CNTN5: variants seen among roughly 807,000 people sequenced by gnomAD.
CNTN5 encodes the protein contactin 5, also known as contactin-5.
CNTN5 carries 77 observed loss-of-function variants against 129.1 expected under a neutral mutation model. The observed-to-expected ratio is 0.60, with a 90% CI of 0.50 to 0.72. The LOEUF (loss-of-function observed/expected upper bound fraction) is 0.72, where lower values mean the gene tolerates loss of function less well. Among genes scored for constraint, CNTN5 ranks in the 30% least tolerant of loss-of-function variants. The pLI, the probability that CNTN5 is intolerant of heterozygous loss-of-function variation, is 0.00. For missense variants in CNTN5, 1,478 were observed against 1,328.8 expected, an observed-to-expected ratio of 1.11 and a Z score of -1.75; for synonymous variants, 509 against 465.6, an observed-to-expected ratio of 1.09 and a Z score of -1.20.
chr11:99,902,029 A>T (rs1428178499), intron 6 of CNTN5, among the ~76,000 whole-genome samples: 2 of 152,172 alleles, frequency 1.3e-5, no homozygotes, highest in Admixed American at 1.3e-4. Flanking sequence ...TGTAATTCAA[A>T]TCCATGTCTT....
intron 3 of CNTN5, among the ~76,000 whole-genome samples, chr11:99,648,308 T>C (rs1343861613): frequency 6.6e-6 from 1 of 151,870 alleles, no homozygotes; most frequent in African/African-American, 2.4e-5. Context: ...CCAATAAATT[T>C]GTAAAAAATG....
intron 3 of CNTN5, among the ~76,000 whole-genome samples, chr11:99,739,554 T>A (rs79362008): frequency 0.02 from 3,011 of 152,218 alleles, 111 homozygotes; most frequent in African/African-American, 0.068. Flanking sequence ...TGAAAAATTC[T>A]GGGATTCCAT....
At chr11:100,202,010 A>T (rs1367101534) in intron 15 of CNTN5, among the ~76,000 whole-genome samples, 1 of 152,052 alleles carries the variant, frequency 6.6e-6, no homozygotes, top group African/African-American at 2.4e-5. Flanking sequence ...AATGCCTAAT[A>T]GATACCTGGC....
chr11:99,260,632 C>T (rs531990218), intron 1 of CNTN5, among the ~76,000 whole-genome samples: 1 of 151,878 alleles, frequency 6.6e-6, no homozygotes, highest in South Asian at 2.1e-4. Flanking sequence ...AAATTAGCAT[C>T]AAAATTCTTA....
intron 6 of CNTN5, among the ~76,000 whole-genome samples, chr11:99,859,227 A>C (rs1948133283): frequency 6.6e-6 from 1 of 152,184 alleles, no homozygotes; most frequent in South Asian, 2.1e-4. Context: ...CAGACTATTG[A>C]ACTGAAAAGG....
intron 9 of CNTN5, among the ~76,000 whole-genome samples, chr11:100,002,702 A>C (rs904693057): frequency 6.6e-6 from 1 of 152,250 alleles, no homozygotes; most frequent in Admixed American, 6.5e-5. Context: ...ATATTTAATG[A>C]TTATATTTCT....
chr11:100,086,036 G>A (rs1944540484), intron 13 of CNTN5, among the ~76,000 whole-genome samples: 1 of 151,674 alleles, frequency 6.6e-6, no homozygotes, highest in African/African-American at 2.4e-5. Context: ...ATTTGTCCAG[G>A]GTATAGACTA....
chr11:100,221,901 A>C (rs941539092), intron 15 of CNTN5, among the ~76,000 whole-genome samples: 25 of 152,326 alleles, frequency 1.6e-4, no homozygotes, highest in South Asian at 1.5e-3. Context: ...GTTTAAGTTT[A>C]AGAAAGCAAG....
chr11:99,531,605 C>G (rs1293124971), intron 2 of CNTN5, among the ~76,000 whole-genome samples: 2 of 152,186 alleles, frequency 1.3e-5, no homozygotes, highest in Non-Finnish European at 2.9e-5. Context: ...CGTGGTTTCA[C>G]GGGCCAGGCC....
At chr11:100,140,597 G>A (rs1280515095) in intron 13 of CNTN5, among the ~76,000 whole-genome samples, 2 of 152,120 alleles carry the variant, frequency 1.3e-5, no homozygotes, top group Non-Finnish European at 2.9e-5. Context: ...TTAATTACTA[G>A]TAAAGGAAAG....
intron 6 of CNTN5, among the ~76,000 whole-genome samples, chr11:99,888,481 A>G (rs144996848): frequency 2.2e-4 from 33 of 152,324 alleles, no homozygotes; most frequent in African/African-American, 7.7e-4. Flanking sequence ...TTGACAGTCA[A>G]CTGACAACAG....
At chr11:99,186,226 G>A (rs1858344355) in intron 1 of CNTN5, among the ~76,000 whole-genome samples, 2 of 151,934 alleles carry the variant, frequency 1.3e-5, no homozygotes, top group African/African-American at 4.8e-5. Flanking sequence ...CACAGAAGGA[G>A]GAAGAGTTCC....
intron 6 of CNTN5, among the ~76,000 whole-genome samples, chr11:99,889,464 C>T (rs1948999088): frequency 6.7e-6 from 1 of 148,374 alleles, no homozygotes; most frequent in Non-Finnish European, 1.5e-5. Flanking sequence ...TCCTCTGTAC[C>T]ATTAAAAAAA....
At chr11:100,264,366 T>C (rs1371893239) in intron 17 of CNTN5, among the ~76,000 whole-genome samples, 1 of 152,146 alleles carries the variant, frequency 6.6e-6, no homozygotes, top group Non-Finnish European at 1.5e-5. Flanking sequence ...TAGGTGTTTG[T>C]CCTGATGCTC....
At chr11:99,833,546 A>G (rs1947211218) in intron 4 of CNTN5, among the ~76,000 whole-genome samples, 1 of 152,194 alleles carries the variant, frequency 6.6e-6, no homozygotes, top group Non-Finnish European at 1.5e-5. Context: ...GTTCTGAACA[A>G]CTTTAAAGTA....
At chr11:99,368,767 C>T (rs1939624748) in intron 2 of CNTN5, among the ~76,000 whole-genome samples, 1 of 151,954 alleles carries the variant, frequency 6.6e-6, no homozygotes, top group South Asian at 2.1e-4. Flanking sequence ...ATTTGTGTTG[C>T]CAAAGCAAAT....
At chr11:99,185,824 A>T (rs898280801) in intron 1 of CNTN5, among the ~76,000 whole-genome samples, 1 of 139,788 alleles carries the variant, frequency 7.2e-6, no homozygotes, top group Admixed American at 7.2e-5. Flanking sequence ...CCATCAAAAT[A>T]ACGGAGAGGA....
At chr11:99,180,408 C>T (rs1163380872) in intron 1 of CNTN5, among the ~76,000 whole-genome samples, 1 of 152,072 alleles carries the variant, frequency 6.6e-6, no homozygotes, top group Non-Finnish European at 1.5e-5. Flanking sequence ...CAGTCTGGGA[C>T]CCTAACTCTT....
rs1354771531 is a variant in CNTN5, at chr11:100,074,256, T to G, written c.1542T>G (p.Ser514=). ...AAGGCTCTCCAAAACCAACCATCTCTTGGAAGAAAGGAGACAGAGCAGTTA... is the reference window on the plus strand; with the variant it reads ...AAGGCTCTCCAAAACCAACCATCTCGTGGAAGAAAGGAGACAGAGCAGTTA... ...KPQGSPKPTI[S]WKKGDRAVRE... The change falls in exon 13 of 25, where the codon TCT becomes TCG. Residue 514 remains serine (S), a synonymous_variant. Transcript: ENST00000524871. 2 of 1,609,908 alleles carry G rather than the reference T, an allele frequency of 1.2e-6. No individual in the cohort carries two copies. Among genetic ancestry groups the G allele is most frequent in the African/African-American group, 2.7e-5 (2 of 74,826 alleles).
Sources: allele counts gnomAD v4.1 joint callset (sites outside exome capture counted in the v4.1 genomes callset), GRCh38; gene constraint gnomAD v4.1.1; transcripts MANE v1.5; gene names NCBI Gene and HGNC (gene_info 2026-07-23, HGNC 2026-07-21).